The following VWA3B variants were observed in gnomAD, a reference collection of about 807,000 sequenced individuals.
VWA3B encodes the protein von Willebrand factor A domain containing 3B.
VWA3B carries 138 observed loss-of-function variants against 158.3 expected under a neutral mutation model. The ratio of observed to expected loss-of-function variants is 0.87; its 90% CI spans 0.76 to 1.00. The LOEUF (loss-of-function observed/expected upper bound fraction) is 1.00, where lower values mean the gene tolerates loss of function less well. Ranked by LOEUF, VWA3B falls within the 50% of genes least tolerant of loss-of-function variation. The pLI is 0.00. For missense variants in VWA3B, 1,555 were observed against 1,565.1 expected (o/e 0.99, Z 0.11); for synonymous variants, 596 against 587.3 (o/e 1.01, Z -0.21).
At chr2:98,315,673 A>G (rs1349244527), downstream of VWA3B, among the ~76,000 whole-genome samples, 2 of 152,254 alleles carry the variant, frequency 1.3e-5, no homozygotes, top group Non-Finnish European at 2.9e-5. Context: ...ATTTCCACAT[A>G]GATGAAAAAC....
Position 98,121,456 on chromosome 2 carries a change from A to C in VWA3B, c.700A>C (p.Thr234Pro), listed in dbSNP as rs754816213. 9.3e-6 allele frequency: 15 copies of C among 1,613,156 alleles called. No homozygotes were observed. The highest frequency in any genetic ancestry group is 1.3e-5 in the Non-Finnish European group (15 of 1,179,630). The stretch of plus-strand genomic sequence containing the variant: ...TCTGCTGGAAGCCGGGAGAGACAAG[A>C]CTGTAAGTGCGTGTTCATGGCTGGC... ...DALLEAGRDK[T>P]IESIYYFVVG... Residue 234 changes from threonine to proline, a missense_variant and splice_region_variant, in exon 5 of 28, where the codon ACT becomes CCT. Physicochemically the swap from Thr to Pro is conservative, Grantham distance 38. Transcript: ENST00000477737.
At chr2:98,128,099 C>T in intron 5 of VWA3B, 140 bp from the exon 6 acceptor site, 2 of 1,032,590 alleles carry the variant, frequency 1.9e-6, no homozygotes, top group South Asian at 3.3e-5. Context: ...CTGATGTCCT[C>T]AGAAAACCCT....
chr2:98,119,775 T>A lies in VWA3B; in HGVS notation c.542+12T>A. ...TTCAATATCATACGGTGAGTTCCCATAGGAAGGGAGTATTTTAGTGAAAGT... is the reference window on the plus strand; with the variant it reads ...TTCAATATCATACGGTGAGTTCCCAAAGGAAGGGAGTATTTTAGTGAAAGT... On this transcript the variant is annotated intron_variant, in intron 4 of 27. Transcript: ENST00000477737. 6.2e-7 allele frequency: 1 copy of A among 1,611,590 alleles called. No individual in the cohort carries two copies. The highest frequency in any genetic ancestry group is 1.3e-5 in the African/African-American group (1 of 74,950).
intron 1 of VWA3B, among the ~76,000 whole-genome samples, chr2:98,089,977 T>C (rs1437705862): frequency 6.6e-6 from 1 of 152,118 alleles, no homozygotes. Flanking sequence ...GAACCCCTCT[T>C]TAAGGTTCCC....
At chr2:98,126,985 G>A (rs1392012270) in intron 5 of VWA3B, among the ~76,000 whole-genome samples, 1 of 133,314 alleles carries the variant, frequency 7.5e-6, no homozygotes, top group Non-Finnish European at 1.6e-5. Flanking sequence ...CCACCCTCCC[G>A]GCCAGGTGCA....
intron 7 of VWA3B, among the ~76,000 whole-genome samples, chr2:98,151,755 A>T (rs1216696600): frequency 1.3e-5 from 2 of 152,240 alleles, no homozygotes; most frequent in African/African-American, 4.8e-5. Context: ...CATTTATAAA[A>T]ATCGGAATAA....
chr2:98,315,982 C>T (rs770975219), downstream of VWA3B, among the ~76,000 whole-genome samples: 3 of 152,218 alleles, frequency 2.0e-5, no homozygotes, highest in African/African-American at 7.2e-5. Flanking sequence ...TCTCACTATT[C>T]ATGTAGTTAC....
At chr2:98,210,926 C>T (rs1320619394) in intron 12 of VWA3B, among the ~76,000 whole-genome samples, 1 of 152,202 alleles carries the variant, frequency 6.6e-6, no homozygotes, top group East Asian at 1.9e-4. Context: ...GCAGTAGTGG[C>T]AGATGCACAC....
chr2:98,277,732 C>T (rs947767399), intron 22 of VWA3B, among the ~76,000 whole-genome samples: 10 of 151,934 alleles, frequency 6.6e-5, no homozygotes, highest in Non-Finnish European at 1.2e-4. Context: ...CAGGCATGGG[C>T]GAGGCTGGAT....
intron 6 of VWA3B, among the ~76,000 whole-genome samples, chr2:98,132,579 A>G (rs190736707): frequency 6.6e-6 from 1 of 152,290 alleles, no homozygotes; most frequent in East Asian, 1.9e-4. Context: ...CAGCCAGAGG[A>G]AATTTCTGCC....
chr2:98,131,766 G>A (rs1030350034), intron 6 of VWA3B, among the ~76,000 whole-genome samples: 1 of 152,118 alleles, frequency 6.6e-6, no homozygotes, highest in Non-Finnish European at 1.5e-5. Context: ...AGAGAGCCCG[G>A]GAATATGAAT....
intron 21 of VWA3B, among the ~76,000 whole-genome samples, chr2:98,263,679 G>A (rs1042082467): frequency 6.6e-6 from 1 of 151,880 alleles, no homozygotes; most frequent in African/African-American, 2.4e-5. Context: ...TGTTCACCAG[G>A]GACATTGGTC....
intron 21 of VWA3B, among the ~76,000 whole-genome samples, chr2:98,269,765 ATTG>A (rs1342296121): frequency 2.0e-5 from 3 of 152,178 alleles, no homozygotes; most frequent in Admixed American, 2.0e-4. Context: ...TGGTTCATAT[ATTG>A]TTAAGTCAGT....
chr2:98,087,955 T>C (rs1174826382), intron 1 of VWA3B, among the ~76,000 whole-genome samples: 1 of 152,194 alleles, frequency 6.6e-6, no homozygotes, highest in Non-Finnish European at 1.5e-5. Context: ...CTCCAATTAT[T>C]CTCAGATATT....
At chr2:98,100,072 G>A (rs1398133578) in intron 2 of VWA3B, among the ~76,000 whole-genome samples, 1 of 152,122 alleles carries the variant, frequency 6.6e-6, no homozygotes, top group African/African-American at 2.4e-5. Flanking sequence ...TATTTGTAGG[G>A]TCAGTCACTA....
At chr2:98,216,119 G>T (rs1415052873) in intron 13 of VWA3B, among the ~76,000 whole-genome samples, 1 of 152,232 alleles carries the variant, frequency 6.6e-6, no homozygotes, top group African/African-American at 2.4e-5. Flanking sequence ...CAGTTACATG[G>T]ACACTAGCTT....
intron 21 of VWA3B, among the ~76,000 whole-genome samples, chr2:98,261,141 T>C (rs574386158): frequency 6.6e-6 from 1 of 151,844 alleles, no homozygotes; most frequent in Non-Finnish European, 1.5e-5. Flanking sequence ...TGATTTGTTC[T>C]AATGGGTCGT....
intron 23 of VWA3B, among the ~76,000 whole-genome samples, chr2:98,297,368 CACCACG>C (rs1050443266): frequency 3.9e-5 from 6 of 152,184 alleles, no homozygotes; most frequent in African/African-American, 1.4e-4. Context: ...AGGTGTGAGC[CACCACG>C]CCCAGCCTTA....
intron 7 of VWA3B, among the ~76,000 whole-genome samples, chr2:98,145,046 G>A (rs1677071683): frequency 6.6e-6 from 1 of 152,128 alleles, no homozygotes; most frequent in Admixed American, 6.6e-5. Flanking sequence ...TCTTTTGTGA[G>A]TGACTTTATC....
Sources: allele counts gnomAD v4.1 joint callset (sites outside exome capture counted in the v4.1 genomes callset), GRCh38; gene constraint gnomAD v4.1.1; transcripts MANE v1.5; gene names NCBI Gene and HGNC (gene_info 2026-07-23, HGNC 2026-07-21).